LRRC69: variants seen among roughly 807,000 people sequenced by gnomAD.
LRRC69 encodes leucine-rich repeat-containing protein 69.
A neutral mutation model predicts 37.8 loss-of-function variants in LRRC69; 42 were observed. That is an observed-to-expected ratio of 1.11 (90% CI 0.87 to 1.44). The LOEUF is 1.44. Among genes scored for constraint, LRRC69 ranks in the 40% most tolerant of loss-of-function variants. The probability of loss-of-function intolerance (pLI) is 0.00; values close to 1 mark genes in which losing one functional copy is unlikely to be tolerated. For missense variants in LRRC69, 357 were observed against 401.9 expected (o/e 0.89, Z 0.96); for synonymous variants, 141 against 143.1 (o/e 0.99, Z 0.11).
chr8:91,197,400 A>C (rs532254001), intron 6 of LRRC69, among the ~76,000 whole-genome samples: 1 of 152,164 alleles, frequency 6.6e-6, no homozygotes, highest in East Asian at 1.9e-4. Flanking sequence ...TGCTTTGTTT[A>C]CCTAATCAAG....
chr8:91,135,867 A>T (rs1813903694), intron 5 of LRRC69, 128 bp downstream of exon 5: 2 of 480,556 alleles, frequency 4.2e-6, no homozygotes. Context: ...TGACTCAAAG[A>T]TTTGCTTTTA....
At chr8:91,127,740 CAGAT>C (rs1813745420) in intron 3 of LRRC69, among the ~76,000 whole-genome samples, 1 of 151,500 alleles carries the variant, frequency 6.6e-6, no homozygotes, top group African/African-American at 2.4e-5. Context: ...TTTCCTCTGA[CAGAT>C]GGAGAGAGAA....
intron 1 of LRRC69, among the ~76,000 whole-genome samples, chr8:91,121,909 A>G (rs1275223083): frequency 6.6e-6 from 1 of 152,084 alleles, no homozygotes; most frequent in Admixed American, 6.6e-5. Flanking sequence ...ACAAAAAAAC[A>G]AAAACTAAAC....
chr8:91,145,111 C>T (rs4374950), intron 5 of LRRC69, among the ~76,000 whole-genome samples: 103,121 of 151,674 alleles, frequency 0.68, 35,603 homozygotes, highest in Middle Eastern at 0.74. Context: ...TTAAGTGGTC[C>T]AGAAAGTGCA....
Position 91,127,140 on chromosome 8 carries a change from G to C in LRRC69, c.363G>C (p.Gln121His), listed in dbSNP as rs1310773040. ...ATCTGAACAACAATCATCTTACGCA[G>C]CTTCCTCAAGAAGTCAGCAGGTAAT... The change falls in exon 3 of 8, where the codon CAG (glutamine) becomes CAC (histidine). Residue 121 changes from glutamine to histidine, a missense_variant. Transcript: ENST00000448384. 5.2e-6 allele frequency: 8 copies of C among 1,548,354 alleles called. 1 individual carries two copies. The South Asian group carries it at 9.6e-5, about 19-fold the overall frequency.
At chr8:91,119,021 A>G (rs919530853) in intron 1 of LRRC69, among the ~76,000 whole-genome samples, 2 of 152,082 alleles carry the variant, frequency 1.3e-5, no homozygotes, top group African/African-American at 4.8e-5. Context: ...ACTAACTACT[A>G]ACACACTATT....
chr8:91,118,577 C>T (rs745805735), intron 1 of LRRC69: 7 of 235,334 alleles, frequency 3.0e-5, no homozygotes, highest in South Asian at 4.9e-5. Context: ...TTCCGTGGCT[C>T]ATGGGTCTAT....
chr8:91,148,977 A>T (rs36146099), intron 5 of LRRC69, among the ~76,000 whole-genome samples: 6,173 of 148,706 alleles, frequency 0.042, 205 homozygotes, highest in Middle Eastern at 0.13. Context: ...TAGATTCTGG[A>T]TATTAGCCCT....
intron 5 of LRRC69, among the ~76,000 whole-genome samples, chr8:91,153,171 C>T (rs1185855100): frequency 6.6e-6 from 1 of 151,490 alleles, no homozygotes; most frequent in Admixed American, 6.6e-5. Context: ...AGCTAACTAT[C>T]CTAAATATAT....
chr8:91,149,969 T>C (rs1308911713), intron 5 of LRRC69, among the ~76,000 whole-genome samples: 3 of 152,038 alleles, frequency 2.0e-5, no homozygotes, highest in African/African-American at 4.8e-5. Flanking sequence ...GCCTATCAGC[T>C]TAAGGAGATT....
chr8:91,113,062 T>C (rs1215964451), intron 1 of LRRC69, among the ~76,000 whole-genome samples: 1 of 151,778 alleles, frequency 6.6e-6, no homozygotes, highest in Non-Finnish European at 1.5e-5. Context: ...ATAAAGGAAG[T>C]TGAAAAAGAT....
In LRRC69 at chr8:91,113,658, T is replaced by C. The variant is rs1813450603; in HGVS notation, c.183+10814T>C. Among the ~76,000 whole-genome samples the C allele has an allele frequency of 2.0e-5, 3 of 151,888 alleles. 1 individual carries two copies. In the South Asian group the frequency reaches 6.2e-4, roughly 31 times the overall value. On this transcript the variant is annotated intron_variant, in intron 1 of 7. Coordinates refer to ENST00000448384, the Ensembl canonical transcript of LRRC69. ...TTCTTGACATTGGTCTGGACAATGA[T>C]TTTTTGGATATGGTGCCAAAAACAA...
chr8:91,147,269 C>CATATATATTATATATAAACAT (rs34482745), intron 5 of LRRC69, among the ~76,000 whole-genome samples: 8 of 145,916 alleles, frequency 5.5e-5, no homozygotes, highest in African/African-American at 7.5e-5. Context: ...TATATATAAA[C>CATATATATTATATATAAACAT]ATATATTATA....
At chr8:91,106,164 G>A (rs994921248) in intron 1 of LRRC69, among the ~76,000 whole-genome samples, 12 of 152,046 alleles carry the variant, frequency 7.9e-5, no homozygotes, top group African/African-American at 1.9e-4. Flanking sequence ...TAAAATTCCC[G>A]TGTACTTTTA....
At position 91,133,109 on chromosome 8, in the gene LRRC69, G is replaced by A; in HGVS notation, c.384-1G>A. The stretch of plus-strand genomic sequence containing the variant: ...ATACTTTGGTGTTTTTTTTTTTTTA[G>A]ATTAAAAAGTCTTACTTATATGAGT... On this transcript the variant is annotated splice_acceptor_variant, in intron 3 of 7. Coordinates refer to ENST00000448384, the Ensembl canonical transcript of LRRC69. LOFTEE classifies it high-confidence loss of function. 7.5e-7 allele frequency: 1 copy of A among 1,336,200 alleles called. No homozygotes were observed. The allele number at this position is 1,336,200 out of a possible 1,614,324, so 82.8% of individuals were successfully genotyped here.
At chr8:91,149,566 G>A (rs1808690790) in intron 5 of LRRC69, among the ~76,000 whole-genome samples, 1 of 151,860 alleles carries the variant, frequency 6.6e-6, no homozygotes, top group Non-Finnish European at 1.5e-5. Context: ...TTGGCACTGT[G>A]GGCTCTTTTT....
chr8:91,120,926 T>A (rs1161133473), intron 1 of LRRC69, among the ~76,000 whole-genome samples: 1 of 152,008 alleles, frequency 6.6e-6, no homozygotes, highest in Non-Finnish European at 1.5e-5. Context: ...ACTTGACATT[T>A]TCATTTAAAG....
intron 5 of LRRC69, among the ~76,000 whole-genome samples, chr8:91,147,925 G>C (rs552118894): frequency 1.2e-4 from 18 of 151,692 alleles, no homozygotes; most frequent in Non-Finnish European, 1.9e-4. Context: ...TATTCTCATT[G>C]TTCAGCTCCC....
At chr8:91,124,769 A>G in intron 2 of LRRC69, 150 bp downstream of exon 2, 1 of 609,410 alleles carries the variant, frequency 1.6e-6, no homozygotes, top group Non-Finnish European at 2.7e-6. Flanking sequence ...AGGAGGAGAC[A>G]ACACTTTTAA....
Sources: gnomAD v4.1 joint callset for allele counts (sites outside exome capture counted in the v4.1 genomes callset) on GRCh38, gnomAD v4.1.1 for gene constraint, MANE v1.5 for transcripts, NCBI Gene and HGNC (gene_info 2026-07-23, HGNC 2026-07-21) for gene names.